Variants in TRAPPC14 observed in about 807,000 individuals in gnomAD.
TRAPPC14 encodes the protein trafficking protein particle complex subunit 14, also known as microtubule associated protein 11.
Under a neutral mutation model 56.6 loss-of-function variants are expected in TRAPPC14, and 24 were observed. That is an observed-to-expected ratio of 0.42 (90% CI 0.31 to 0.60). TRAPPC14 has a LOEUF of 0.60. TRAPPC14 is among the 20% of genes least tolerant of loss of function. The pLI is 0.14. For synonymous variants in TRAPPC14, 377 were observed against 347.0 expected (o/e 1.09, Z -0.96); for missense variants, 615 against 790.3 (o/e 0.78, Z 2.66).
Position 100,154,928 on chromosome 7 carries a change from G to A in TRAPPC14, c.*83C>T. The A allele has an allele frequency of 2.1e-6, 3 of 1,428,088 alleles. No homozygotes were observed. The highest frequency in any genetic ancestry group is 3.4e-5 in the Admixed American group (2 of 59,102). 88.5% of individuals were successfully genotyped at this position (1,428,088 alleles called of 1,614,324 possible). A position where few individuals can be genotyped will look rare whatever the true frequency, so the allele number is the denominator to read the frequency against. On this transcript the variant is annotated 3_prime_UTR_variant, in exon 11 of 11. Transcript: ENST00000316937. ...TCACCCCCGTCTGGGAGGCATCCCA[G>A]GGGAGGCACAGCCCGGGAGCAGGGA...
In TRAPPC14 at chr7:100,155,244, C is replaced by A. The variant is rs375434784; in HGVS notation, c.1589+18G>T. On this transcript the variant is annotated intron_variant, in intron 10 of 10. Transcript: ENST00000316937. ...CCATCCTCTACCCGGTCCCATGCCA[C>A]GCCCCCTGGTTCTGTACCTCATGAG... 12 of 1,582,666 alleles carry A rather than the reference C, an allele frequency of 7.6e-6. No individual in the cohort carries two copies. The East Asian group carries it at 2.8e-4, about 37-fold the overall frequency.
At chr7:100,155,894 A>C in intron 8 of TRAPPC14, 69 bp from the exon 9 acceptor site, 1 of 1,589,786 alleles carries the variant, frequency 6.3e-7, no homozygotes, top group Non-Finnish European at 8.6e-7. Context: ...TCGCCAGCAC[A>C]GTCTCATCTG....
rs767089444 is a variant in TRAPPC14, at chr7:100,154,840, T to G, written c.*171A>C. 1.3e-4 allele frequency: 86 copies of G among 666,620 alleles called. No homozygotes were observed. Among genetic ancestry groups the G allele is most frequent in the Non-Finnish European group, 2.0e-4 (76 of 382,452 alleles). The allele number at this position is 666,620 out of a possible 1,614,324, so 41.3% of individuals were successfully genotyped here. ...CTTAGTCCCAGCCATGCCCGCCCAC[T>G]TCACAGCTTCTTCCCCCATCCCTCA... On this transcript the variant is annotated 3_prime_UTR_variant, in exon 11 of 11. Coordinates refer to ENST00000316937, the MANE Select transcript of TRAPPC14 (RefSeq NM_018275.5).
Position 100,158,613 on chromosome 7 carries a change from G to A in TRAPPC14, c.-114C>T, listed in dbSNP as rs540648716. 63 of 1,119,576 alleles carry A rather than the reference G, an allele frequency of 5.6e-5. No individual in the cohort carries two copies. In the African/African-American group the frequency reaches 9.2e-4, roughly 16 times the overall value. 69.4% of individuals were successfully genotyped at this position (1,119,576 alleles called of 1,614,324 possible). A position where few individuals can be genotyped will look rare whatever the true frequency, so the allele number is the denominator to read the frequency against. On this transcript the variant is annotated 5_prime_UTR_variant, in exon 1 of 11. Transcript: ENST00000316937. ...CCTCCGGCTGCTGCGCCCGGCTGGG[G>A]CGGCCGGAGAGACCGGCCCGGTCCC...
At position 100,155,125 on chromosome 7, in the gene TRAPPC14, A is replaced by AG; in HGVS notation, c.1628dup (p.Val544CysfsTer95). The AG allele has an allele frequency of 1.2e-6, 2 of 1,613,470 alleles. No homozygotes were observed. Among genetic ancestry groups the AG allele is most frequent in the Non-Finnish European group, 1.7e-6 (2 of 1,179,694 alleles). On this transcript the variant is annotated frameshift_variant, in exon 11 of 11. Transcript: ENST00000316937. LOFTEE classifies it high-confidence loss of function. The stretch of plus-strand genomic sequence containing the variant: ...GGGGGCGGCCAACAGGAGAGGCCAC[A>AG]GGGGGCGTGATGGCTCTGCGCTCCA...
In TRAPPC14 at chr7:100,155,766, AGAC is replaced by A; in HGVS notation, c.1297_1299del (p.Val433del). ...CCAAGGTTGTTGAGGGGCGTGTGGC[AGAC>A]GACGGAGTCCAGGGCAGCCTGCATG... On this transcript the variant is annotated inframe_deletion, in exon 9 of 11. Coordinates refer to ENST00000316937, the MANE Select transcript of TRAPPC14 (RefSeq NM_018275.5). 1 of 1,614,216 alleles carries A rather than the reference AGAC, an allele frequency of 6.2e-7. No individual in the cohort carries two copies. The highest frequency in any genetic ancestry group is 8.5e-7 in the Non-Finnish European group (1 of 1,180,030).
rs1798864934 is a variant in TRAPPC14, at chr7:100,155,758, C to T, written c.1308G>A (p.Thr436=). The part of the protein sequence containing the change: ...QAALDSVVCH[T]PLNNLGFSRK... The stretch of plus-strand genomic sequence containing the variant: ...GGGAAAAGCCAAGGTTGTTGAGGGG[C>T]GTGTGGCAGACGACGGAGTCCAGGG... The change falls in exon 9 of 11, where the codon ACG becomes ACA. Residue 436 remains threonine, a synonymous_variant. Transcript: ENST00000316937. 6 of 1,614,052 alleles carry T rather than the reference C, an allele frequency of 3.7e-6. No individual in the cohort carries two copies. Among genetic ancestry groups the T allele is most frequent in the African/African-American group, 1.3e-5 (1 of 74,928 alleles).
chr7:100,158,432 G>A lies in TRAPPC14; in HGVS notation c.68C>T (p.Ala23Val). The change falls in exon 1 of 11, where the codon GCA (alanine) becomes GTA (valine). Residue 23 changes from alanine (A) to valine (V), a missense_variant. By Grantham distance (64) the Ala-to-Val change is moderately conservative. Coordinates refer to ENST00000316937, the MANE Select transcript of TRAPPC14 (RefSeq NM_018275.5). Reference sequence around the variant, plus strand: ...CGCCCGGTACCGGCCCGGATCCCCTGCCAGCTCCGCGCGCGGCGGCAGCGG... The same window carrying A: ...CGCCCGGTACCGGCCCGGATCCCCTACCAGCTCCGCGCGCGGCGGCAGCGG... Reference protein sequence around the residue: ...AVPLPPRAELAGDPGRYRALP... With the variant: ...AVPLPPRAELVGDPGRYRALP... 7.1e-7 allele frequency: 1 copy of A among 1,409,818 alleles called. No homozygotes were observed. The highest frequency in any genetic ancestry group is 9.2e-7 in the Non-Finnish European group (1 of 1,083,900). The allele number at this position is 1,409,818 out of a possible 1,614,324, so 87.3% of individuals were successfully genotyped here. A position where few individuals can be genotyped will look rare whatever the true frequency, so the allele number is the denominator to read the frequency against.
Position 100,155,439 on chromosome 7 carries a change from T to A in TRAPPC14, c.1412A>T (p.Lys471Ile). 1 of 1,526,652 alleles carries A rather than the reference T, an allele frequency of 6.6e-7. No individual in the cohort carries two copies. 94.6% of individuals were successfully genotyped at this position (1,526,652 alleles called of 1,614,324 possible). A position where few individuals can be genotyped will look rare whatever the true frequency, so the allele number is the denominator to read the frequency against. ...GCTGGCGGTGAACTGCAGCTTCAGT[T>A]TCATGTGCTGGCTTAGCTGGGGGGA... ...TGLFELSQHM[K>I]LKLQFTASVS... Residue 471 changes from lysine (K) to isoleucine (I), a missense_variant, in exon 10 of 11, where the codon AAA becomes ATA. Transcript: ENST00000316937.
At chr7:100,157,259 G>A (rs762767659) in intron 4 of TRAPPC14, 45 bp from the exon 5 acceptor site, 1 of 1,613,874 alleles carries the variant, frequency 6.2e-7, no homozygotes, top group East Asian at 2.2e-5. Flanking sequence ...GGACCCCTCA[G>A]GCCCCACCTT....
Position 100,158,160 on chromosome 7 carries a change from C to T in TRAPPC14, c.340G>A (p.Gly114Ser), listed in dbSNP as rs1798924127. 2 of 1,460,878 alleles carry T rather than the reference C, an allele frequency of 1.4e-6. No individual in the cohort carries two copies. The highest frequency in any genetic ancestry group is 1.8e-6 in the Non-Finnish European group (2 of 1,114,566). 90.5% of individuals were successfully genotyped at this position (1,460,878 alleles called of 1,614,324 possible). A position where few individuals can be genotyped will look rare whatever the true frequency, so the allele number is the denominator to read the frequency against. Reference protein sequence around the residue: ...PPGGGDPGGGGLFRGCSPLLT... With the variant: ...PPGGGDPGGGSLFRGCSPLLT... ...AGGGGGCTGCAGCCTCGGAACAAAC[C>T]CCCACCCCCAGGATCCCCTCCCCCT... Residue 114 changes from glycine to serine, a missense_variant, in exon 1 of 11, where the codon GGT becomes AGT. Transcript: ENST00000316937.
In TRAPPC14 at chr7:100,154,650, G is replaced by A; in HGVS notation, c.*361C>T. The A allele has an allele frequency of 3.2e-6, 1 of 317,400 alleles. No individual in the cohort carries two copies. Among genetic ancestry groups the A allele is most frequent in the Non-Finnish European group, 6.0e-6 (1 of 167,604 alleles). 19.7% of individuals were successfully genotyped at this position (317,400 alleles called of 1,614,324 possible). ...TCTAATCTCAGCCCTGCGGGAGGGA[G>A]GGAGGGAATGTCAGAGGTGGGAAAG... On this transcript the variant is annotated 3_prime_UTR_variant, in exon 11 of 11. Coordinates refer to ENST00000316937, the MANE Select transcript of TRAPPC14 (RefSeq NM_018275.5).
At chr7:100,156,032 GC>G in intron 8 of TRAPPC14, 1 of 748,354 alleles carries the variant, frequency 1.3e-6, no homozygotes, top group Non-Finnish European at 2.4e-6. Context: ...CTGCATGACA[GC>G]CCCATCAGAT....
rs1040525642 is a variant in TRAPPC14, at chr7:100,154,614, C to T, written c.*397G>A. The T allele has an allele frequency of 7.8e-6, 2 of 257,274 alleles. No homozygotes were observed. Among genetic ancestry groups the T allele is most frequent in the African/African-American group, 4.6e-5 (2 of 43,312 alleles). 15.9% of individuals were successfully genotyped at this position (257,274 alleles called of 1,614,324 possible). A position where few individuals can be genotyped will look rare whatever the true frequency, so the allele number is the denominator to read the frequency against. ...AAGGTCACTGTCAGGGGCCCTTAGCCATCACCACCCTCTAATCTCAGCCCT... is the reference window on the plus strand; with the variant it reads ...AAGGTCACTGTCAGGGGCCCTTAGCTATCACCACCCTCTAATCTCAGCCCT... On this transcript the variant is annotated 3_prime_UTR_variant, in exon 11 of 11. Transcript: ENST00000316937.
chr7:100,157,273 C>T (rs1402648193), intron 4 of TRAPPC14, 59 bp from the exon 5 acceptor site: 2 of 1,613,374 alleles, frequency 1.2e-6, no homozygotes, highest in African/African-American at 2.7e-5. Flanking sequence ...CCACCTTTAC[C>T]CAGAAAAAAC....
In TRAPPC14 at chr7:100,155,450, G is replaced by T; in HGVS notation, c.1401C>A (p.Ser467Arg). The change falls in exon 10 of 11, where the codon AGC becomes AGA. Residue 467 changes from serine to arginine, a missense_variant. Ser to Arg is a moderately radical substitution (Grantham distance 110). Coordinates refer to ENST00000316937, the MANE Select transcript of TRAPPC14 (RefSeq NM_018275.5). ...QALRTGLFEL[S>R]QHMKLKLQFT... ...ACTGCAGCTTCAGTTTCATGTGCTG[G>T]CTTAGCTGGGGGGAGACACAGGTCA... The T allele has an allele frequency of 6.6e-7, 1 of 1,520,446 alleles. No individual in the cohort carries two copies. Among genetic ancestry groups the T allele is most frequent in the Non-Finnish European group, 8.8e-7 (1 of 1,131,976 alleles). The allele number at this position is 1,520,446 out of a possible 1,614,324, so 94.2% of individuals were successfully genotyped here.
intron 4 of TRAPPC14, 33 bp from the exon 5 acceptor site, chr7:100,157,247 C>A (rs138820761): frequency 6.2e-7 from 1 of 1,613,980 alleles, no homozygotes; most frequent in African/African-American, 1.3e-5. Context: ...CTCAGAATAG[C>A]TGGACCCCTC....
Position 100,158,668 on chromosome 7 carries a change from C to A in TRAPPC14, c.-169G>T, listed in dbSNP as rs1798939391. ...CCGGGGCAACGAACCCGAACCGAGACCCGGCAGCGCCGGAACCGGGGTACT... is the reference window on the plus strand; with the variant it reads ...CCGGGGCAACGAACCCGAACCGAGAACCGGCAGCGCCGGAACCGGGGTACT... On this transcript the variant is annotated 5_prime_UTR_variant, in exon 1 of 11. Coordinates refer to ENST00000316937, the MANE Select transcript of TRAPPC14 (RefSeq NM_018275.5). 1 of 565,334 alleles carries A rather than the reference C, an allele frequency of 1.8e-6. No individual in the cohort carries two copies. Among genetic ancestry groups the A allele is most frequent in the East Asian group, 3.5e-5 (1 of 28,400 alleles). 35.0% of individuals were successfully genotyped at this position (565,334 alleles called of 1,614,324 possible). A position where few individuals can be genotyped will look rare whatever the true frequency, so the allele number is the denominator to read the frequency against.
Position 100,157,742 on chromosome 7 carries a change from C to G in TRAPPC14, c.528G>C (p.Lys176Asn). ...PKAKIVVTVW[K>N]REIEAPEVRD... ...TGACCTCTGGTGCCTCAATCTCCCGCTTCCACACAGTCACTACAATCTGTC... is the reference window on the plus strand; with the variant it reads ...TGACCTCTGGTGCCTCAATCTCCCGGTTCCACACAGTCACTACAATCTGTC... Residue 176 changes from lysine to asparagine, a missense_variant, in exon 3 of 11, where the codon AAG (lysine) becomes AAC (asparagine). Transcript: ENST00000316937. 6.2e-7 allele frequency: 1 copy of G among 1,614,212 alleles called. No individual in the cohort carries two copies. The highest frequency in any genetic ancestry group is 8.5e-7 in the Non-Finnish European group (1 of 1,180,040).
Sources: allele counts gnomAD v4.1 joint callset, GRCh38; gene constraint gnomAD v4.1.1; transcripts MANE v1.5; gene names NCBI Gene and HGNC (gene_info 2026-07-23, HGNC 2026-07-21).